Variants in NCAPH2 observed in about 807,000 individuals in gnomAD.
NCAPH2 encodes the protein condensin-2 complex subunit H2.
NCAPH2 carries 56 observed loss-of-function variants against 88.6 expected under a neutral mutation model. The ratio of observed to expected loss-of-function variants is 0.63; its 90% confidence interval spans 0.51 to 0.79. The LOEUF (loss-of-function observed/expected upper bound fraction) is 0.79, where lower values mean the gene tolerates loss of function less well. Ranked by LOEUF, NCAPH2 falls within the 30% of genes least tolerant of loss-of-function variation. NCAPH2 has a pLI of 0.00. For missense variants in NCAPH2, 794 were observed against 792.0 expected (o/e 1.00, Z -0.03); for synonymous variants, 378 against 313.6 (o/e 1.21, Z -2.17).
In NCAPH2 at chr22:50,517,752, G is replaced by C; in HGVS notation, c.363G>C (p.Leu121=). The C allele has an allele frequency of 6.2e-7, 1 of 1,614,048 alleles. No individual in the cohort carries two copies. The highest frequency in any genetic ancestry group is 8.5e-7 in the Non-Finnish European group (1 of 1,180,038). Reference sequence around the variant, plus strand: ...CTGTCTCCCTCCAGTTCCTGTCGCTGGATGACTTCCCTGACTCCCGGACTA... The same window carrying C: ...CTGTCTCCCTCCAGTTCCTGTCGCTCGATGACTTCCCTGACTCCCGGACTA... The part of the protein sequence containing the change: ...PQEAENEFLS[L]DDFPDSRTNV... The change falls in exon 5 of 20, where the codon CTG becomes CTC. Residue 121 remains leucine, a synonymous_variant. Transcript: ENST00000420993.
intron 1 of NCAPH2, among the ~76,000 whole-genome samples, chr22:50,513,072 T>A (rs2068828431): frequency 6.6e-6 from 1 of 152,258 alleles, no homozygotes; most frequent in African/African-American, 2.4e-5. Flanking sequence ...GGTGTTTACT[T>A]GTGTTAAGCA....
intron 1 of NCAPH2, among the ~76,000 whole-genome samples, chr22:50,513,547 T>G (rs2068842055): frequency 1.3e-5 from 2 of 152,230 alleles, no homozygotes; most frequent in African/African-American, 4.8e-5. Flanking sequence ...TCATTTGAGG[T>G]CAGGAGTTCG....
chr22:50,511,586 C>T (rs1005333251), intron 1 of NCAPH2, among the ~76,000 whole-genome samples: 4 of 137,836 alleles, frequency 2.9e-5, no homozygotes, highest in South Asian at 2.2e-4. Flanking sequence ...CCACCGCGTC[C>T]GATCCTGCCT....
At chr22:50,516,224 C>A (rs554588392) in intron 1 of NCAPH2, among the ~76,000 whole-genome samples, 3 of 152,220 alleles carry the variant, frequency 2.0e-5, no homozygotes, top group African/African-American at 4.8e-5. Context: ...GCCCTGGGGG[C>A]CTTCCACTTC....
At position 50,521,733 on chromosome 22, in the gene NCAPH2, G is replaced by A; in HGVS notation, c.1001-8G>A. On this transcript the variant is annotated splice_polypyrimidine_tract_variant and splice_region_variant and intron_variant, in intron 11 of 19. Transcript: ENST00000420993. ...AGCGGCTCTAAGACAGTCCCTGTTT[G>A]CCCCCAGGTAGGCCTTACTCTGTGC... is the stretch of plus-strand genomic sequence containing the variant. 1 of 1,613,794 alleles carries A rather than the reference G, an allele frequency of 6.2e-7. No individual in the cohort carries two copies. Among genetic ancestry groups the A allele is most frequent in the Non-Finnish European group, 8.5e-7 (1 of 1,179,912 alleles).
Position 50,508,276 on chromosome 22 carries a change from A to G in NCAPH2, c.-62A>G. On this transcript the variant is annotated 5_prime_UTR_variant, in exon 1 of 20. The change abolishes the stop of an existing upstream ORF in the 5' untranslated region. Transcript: ENST00000420993. Reference sequence around the variant, plus strand: ...TGGCGCCAGAACTAGTGGCGGGCTGAGGACGCCGTACCCCTCGGAAGGCAG... The same window carrying G: ...TGGCGCCAGAACTAGTGGCGGGCTGGGGACGCCGTACCCCTCGGAAGGCAG... 1 of 1,250,148 alleles carries G rather than the reference A, an allele frequency of 8.0e-7. No homozygotes were observed. Among genetic ancestry groups the G allele is most frequent in the Admixed American group, 3.6e-5 (1 of 28,040 alleles). The allele number at this position is 1,250,148 out of a possible 1,614,324, so 77.4% of individuals were successfully genotyped here.
Position 50,521,545 on chromosome 22 carries a change from G to T in NCAPH2, c.936G>T (p.Glu312Asp), listed in dbSNP as rs376126047. The stretch of plus-strand genomic sequence containing the variant: ...GCCTTCTTGTGCTCTGTGCCCAGGA[G>T]ACTCCAGACCCCTGGCAGAGCCTGG... ...GAPEPASCVK[E>D]TPDPWQSLDP... is the part of the protein sequence containing the mutation. The change falls in exon 11 of 20, where the codon GAG becomes GAT. Residue 312 changes from glutamate (E) to aspartate (D), a missense_variant and splice_region_variant. Glu to Asp is a conservative substitution (Grantham distance 45, BLOSUM62 2). Coordinates refer to ENST00000420993, the MANE Select transcript of NCAPH2 (RefSeq NM_152299.4). 1 of 1,613,424 alleles carries T rather than the reference G, an allele frequency of 6.2e-7. No individual in the cohort carries two copies.
Position 50,519,278 on chromosome 22 carries a change from CAA to C in NCAPH2, c.820_821del (p.Lys274GlyfsTer50), listed in dbSNP as rs1208885859. The C allele has an allele frequency of 2.5e-6, 4 of 1,606,812 alleles. No homozygotes were observed. The highest frequency in any genetic ancestry group is 3.4e-6 in the Non-Finnish European group (4 of 1,177,402). ...TAGAGCTTCCTGAGGCCTCGGCCCCCAAGGCCGCTCTGGAGCCCAAGGAGTCC... is the reference window on the plus strand; with the variant it reads ...TAGAGCTTCCTGAGGCCTCGGCCCCCGGCCGCTCTGGAGCCCAAGGAGTCC... ...AVELPEASAP[K>X]AALEPKESRS... On this transcript the variant is annotated frameshift_variant, in exon 9 of 20. Transcript: ENST00000420993. LOFTEE classifies it high-confidence loss of function.
In NCAPH2 at chr22:50,522,423, C is replaced by A. The variant is rs201165762; in HGVS notation, c.1306+8C>A. ...AAGACCTGGGGGCAGCAGGTGGGTG[C>A]CTGCCAGGGGGTGGGGTGGGGCTTG... On this transcript the variant is annotated splice_region_variant and intron_variant, in intron 15 of 19. Coordinates refer to ENST00000420993, the MANE Select transcript of NCAPH2 (RefSeq NM_152299.4). 6.2e-7 allele frequency: 1 copy of A among 1,611,418 alleles called. No homozygotes were observed. The highest frequency in any genetic ancestry group is 8.5e-7 in the Non-Finnish European group (1 of 1,178,862).
intron 8 of NCAPH2, 106 bp from the exon 9 acceptor site, chr22:50,519,084 G>T: frequency 8.8e-7 from 1 of 1,135,830 alleles, no homozygotes. Context: ...CAAATCCTCT[G>T]GGCTCCGTGA....
intron 1 of NCAPH2, 93 bp downstream of exon 1, chr22:50,508,538 T>A (rs2068691010): frequency 1.1e-6 from 1 of 890,720 alleles, no homozygotes; most frequent in African/African-American, 1.8e-5. Context: ...CCCCACCGTC[T>A]CCACGCCTAT....
chr22:50,516,007 GA>G (rs131818), intron 1 of NCAPH2, among the ~76,000 whole-genome samples: 35,770 of 151,962 alleles, frequency 0.24, 4,754 homozygotes, highest in African/African-American at 0.36. Context: ...AGGCTGAGGG[GA>G]GCAGAGGAAG....
intron 1 of NCAPH2, among the ~76,000 whole-genome samples, chr22:50,510,072 C>T (rs537807108): frequency 1.3e-3 from 199 of 152,288 alleles, no homozygotes; most frequent in African/African-American, 4.5e-3. Context: ...CAGGCGCCCG[C>T]CTCCACGCCC....
chr22:50,513,243 G>T (rs2068832554), intron 1 of NCAPH2, among the ~76,000 whole-genome samples: 1 of 152,200 alleles, frequency 6.6e-6, no homozygotes, highest in African/African-American at 2.4e-5. Context: ...TGATGGCCAG[G>T]CGAGGTGGCT....
intron 7 of NCAPH2, 21 bp downstream of exon 7, chr22:50,518,299 G>T: frequency 6.2e-7 from 1 of 1,607,956 alleles, no homozygotes; most frequent in Non-Finnish European, 8.5e-7. Flanking sequence ...GGATGCGGGG[G>T]GCTTGGTGGG....
chr22:50,523,801 C>T lies in NCAPH2; in HGVS notation c.*426C>T, dbSNP rs199644111. 3.1e-5 allele frequency: 50 copies of T among 1,614,140 alleles called. 1 individual carries two copies. The African/African-American group carries it at 5.5e-4, about 18-fold the overall frequency. On this transcript the variant is annotated 3_prime_UTR_variant, in exon 20 of 20. Coordinates refer to ENST00000420993, the MANE Select transcript of NCAPH2 (RefSeq NM_152299.4). Reference sequence around the variant, plus strand: ...GCCTGCATTGTAGTACACGCGGTAACTGTGACTAGCCTGGGCAACCTGTTT... The same window carrying T: ...GCCTGCATTGTAGTACACGCGGTAATTGTGACTAGCCTGGGCAACCTGTTT...
chr22:50,523,102 C>T lies in NCAPH2; in HGVS notation c.1613C>T (p.Ala538Val), dbSNP rs771068683. 58 of 1,613,354 alleles carry T rather than the reference C, an allele frequency of 3.6e-5. No homozygotes were observed. Among genetic ancestry groups the T allele is most frequent in the East Asian group, 1.8e-4 (8 of 44,860 alleles). Residue 538 changes from alanine to valine, a missense_variant, in exon 19 of 20, where the codon GCG becomes GTG. Transcript: ENST00000420993. ...FPQLNEWCPF[A>V]ELVAGQPAFE... ...CAGCTCAATGAGTGGTGTCCCTTTGCGGAGCTGGTGGCTGGCCAGCCGGCC... is the reference window on the plus strand; with the variant it reads ...CAGCTCAATGAGTGGTGTCCCTTTGTGGAGCTGGTGGCTGGCCAGCCGGCC...
chr22:50,514,215 C>G (rs1259206929), intron 1 of NCAPH2, among the ~76,000 whole-genome samples: 1 of 151,986 alleles, frequency 6.6e-6, no homozygotes, highest in East Asian at 1.9e-4. Flanking sequence ...CTCCCTCTGG[C>G]TCCGTTTAGG....
In NCAPH2 at chr22:50,520,826, G is replaced by T. The variant is rs1297882603; in HGVS notation, c.862-139G>T. On this transcript the variant is annotated intron_variant, in intron 9 of 19. Transcript: ENST00000420993. ...GATCTGCCCGCCTTGGCCTCCCAAA[G>T]TGCTGGGATTACAGGCATGAGCCAC... 6.5e-6 allele frequency: 6 copies of T among 929,116 alleles called. No homozygotes were observed. The East Asian group carries it at 8.3e-5, about 13-fold the overall frequency. 57.6% of individuals were successfully genotyped at this position (929,116 alleles called of 1,614,324 possible).
Sources: gnomAD v4.1 joint callset for allele counts (sites outside exome capture counted in the v4.1 genomes callset) on GRCh38, gnomAD v4.1.1 for gene constraint, MANE v1.5 for transcripts, NCBI Gene and HGNC (gene_info 2026-07-23, HGNC 2026-07-21) for gene names.